The following LPCAT4 variants were observed in gnomAD, a reference collection of about 807,000 sequenced individuals.
The protein encoded by LPCAT4 is lysophosphatidylcholine acyltransferase 4, also known as lysophospholipid acyltransferase LPCAT4.
In LPCAT4, 30 loss-of-function variants were observed where a neutral mutation model predicts 66.5. The ratio of observed to expected loss-of-function variants is 0.45; its 90% CI spans 0.34 to 0.61. The LOEUF is 0.61. Among genes scored for constraint, LPCAT4 ranks in the 20% least tolerant of loss-of-function variants. The probability of loss-of-function intolerance (pLI) is 0.01; values close to 1 mark genes in which losing one functional copy is unlikely to be tolerated. For missense variants in LPCAT4, 557 were observed against 656.7 expected (o/e 0.85, Z 1.66); for synonymous variants, 253 against 262.1 (o/e 0.97, Z 0.34).
intron 7 of LPCAT4, 80 bp from the exon 8 acceptor site, chr15:34,362,916 C>T: frequency 1.4e-6 from 2 of 1,422,574 alleles, no homozygotes; most frequent in South Asian, 2.4e-5. Flanking sequence ...ACTCCCCTTC[C>T]CCAACCCAGG....
chr15:34,361,745 G>C (rs543979058), intron 10 of LPCAT4, among the ~76,000 whole-genome samples: 3 of 151,922 alleles, frequency 2.0e-5, no homozygotes, highest in Admixed American at 6.6e-5. Flanking sequence ...TGTCACCCAG[G>C]CTGGAGTGCA....
chr15:34,361,088 C>T (rs1411477831), intron 11 of LPCAT4: 3 of 737,346 alleles, frequency 4.1e-6, no homozygotes, highest in Non-Finnish European at 5.5e-6. Context: ...TTCAAAGACC[C>T]TCACCCAGCA....
chr15:34,359,476 G>C (rs1890889633), intron 13 of LPCAT4, 113 bp downstream of exon 13: 5 of 1,403,638 alleles, frequency 3.6e-6, no homozygotes, highest in Non-Finnish European at 4.8e-6. Context: ...ACTTCTCATA[G>C]GTTCTGATCT....
rs1421772966 is a variant in LPCAT4 at position 34,359,110 on chromosome 15, G to C, written c.*17C>G. 2 of 1,593,970 alleles carry C rather than the reference G, an allele frequency of 1.3e-6. No homozygotes were observed. The highest frequency in any genetic ancestry group is 1.1e-5 in the South Asian group (1 of 87,852). Reference sequence around the variant, plus strand: ...CTAGCGCTGCCCTGAGGAGGAGGGGGTGAGAGGCTGAGGCACTCAGTCTCC... The same window carrying C: ...CTAGCGCTGCCCTGAGGAGGAGGGGCTGAGAGGCTGAGGCACTCAGTCTCC... On this transcript the variant is annotated 3_prime_UTR_variant, in exon 14 of 14. Transcript: ENST00000314891.
At position 34,361,388 on chromosome 15, in the gene LPCAT4, C is replaced by T. The variant is rs1890938105; in HGVS notation, c.1143+12G>A. 3.1e-6 allele frequency: 5 copies of T among 1,614,126 alleles called. No homozygotes were observed. The highest frequency in any genetic ancestry group is 2.5e-6 in the Non-Finnish European group (3 of 1,180,008). On this transcript the variant is annotated intron_variant, in intron 11 of 13. Coordinates refer to ENST00000314891, the MANE Select transcript of LPCAT4 (RefSeq NM_153613.3). ...CTGGGTTCTGCTCTGCTCTTTGTTC[C>T]AGCTCCTTTACCTGCTGGAAGTAGC...
intron 3 of LPCAT4, 82 bp downstream of exon 3, chr15:34,364,926 T>A: frequency 8.3e-7 from 1 of 1,202,718 alleles, no homozygotes; most frequent in Non-Finnish European, 1.2e-6. Context: ...TTGAGGCCAG[T>A]TCTTCACTCC....
chr15:34,362,201 C>T lies in LPCAT4; in HGVS notation c.1005G>A (p.Lys335=). The change falls in exon 10 of 14, where the codon AAG becomes AAA. Residue 335 remains lysine, a synonymous_variant. Transcript: ENST00000314891. The part of the protein sequence containing the change: ...QLWELGKVLR[K]AGLSAGYVDA... Reference sequence around the variant, plus strand: ...TCATTTCCAAGACCACTTACCCAGCCTTCCGAAGCACTTTTCCCAGTTCCC... The same window carrying T: ...TCATTTCCAAGACCACTTACCCAGCTTTCCGAAGCACTTTTCCCAGTTCCC... 3.7e-6 allele frequency: 6 copies of T among 1,614,028 alleles called. No individual in the cohort carries two copies. Among genetic ancestry groups the T allele is most frequent in the South Asian group, 2.2e-5 (2 of 91,072 alleles).
At chr15:34,362,117 T>G (rs1890958728) in intron 10 of LPCAT4, 79 bp downstream of exon 10, 1 of 1,534,606 alleles carries the variant, frequency 6.5e-7, no homozygotes, top group Non-Finnish European at 8.9e-7. Flanking sequence ...TCCTTCTTCC[T>G]TCTCATTTCT....
rs1891018294 is a variant in LPCAT4, at chr15:34,364,271, G to A, written c.514C>T (p.Arg172Trp). Residue 172 changes from arginine to tryptophan, a missense_variant, in exon 4 of 14, where the codon CGG (arginine) becomes TGG (tryptophan). Coordinates refer to ENST00000314891, the MANE Select transcript of LPCAT4 (RefSeq NM_153613.3). The stretch of plus-strand genomic sequence containing the variant: ...CTGCGTCGAGAAGCCGGGTCATGCC[G>A]GGATACCAGGATGGCTTGGTTGAAT... ...LRFNQAILVS[R>W]HDPASRRRVV... 1.2e-6 allele frequency: 2 copies of A among 1,614,034 alleles called. No homozygotes were observed. The highest frequency in any genetic ancestry group is 1.7e-6 in the Non-Finnish European group (2 of 1,179,908).
Position 34,362,865 on chromosome 15 carries a change from C to T in LPCAT4, c.747-29G>A, listed in dbSNP as rs778015635. 6 of 1,608,990 alleles carry T rather than the reference C, an allele frequency of 3.7e-6. No individual in the cohort carries two copies. The South Asian group carries it at 6.6e-5, about 18-fold the overall frequency. On this transcript the variant is annotated intron_variant, in intron 7 of 13. Transcript: ENST00000314891. ...AGAGAAGAGAGATTTCGATACTCACCAATCTCTAACTATGGGCTCCTTCCC... is the reference window on the plus strand; with the variant it reads ...AGAGAAGAGAGATTTCGATACTCACTAATCTCTAACTATGGGCTCCTTCCC...
rs1006364345 is a variant in LPCAT4, at chr15:34,359,529, T to C, written c.1399+60A>G. On this transcript the variant is annotated intron_variant, in intron 13 of 13. Coordinates refer to ENST00000314891, the MANE Select transcript of LPCAT4 (RefSeq NM_153613.3). ...CCCTTGTTCCCTCCCAGCCCAGTGC[T>C]TTCCTGGATGCTGATGGTGCCCCAA... is the stretch of plus-strand genomic sequence containing the variant. 6 of 1,579,128 alleles carry C rather than the reference T, an allele frequency of 3.8e-6. No homozygotes were observed. The South Asian group carries it at 7.1e-5, about 19-fold the overall frequency.
At chr15:34,364,701 G>T (rs919455251) in intron 3 of LPCAT4, 17 of 314,752 alleles carry the variant, frequency 5.4e-5, no homozygotes, top group Non-Finnish European at 8.7e-5. Flanking sequence ...TGATCCGCCC[G>T]CCTTGGCCTC....
intron 9 of LPCAT4, 85 bp from the exon 10 acceptor site, chr15:34,362,406 G>A (rs2140167295): frequency 6.4e-7 from 1 of 1,550,840 alleles, no homozygotes; most frequent in Non-Finnish European, 8.9e-7. Context: ...CCCGCTGACT[G>A]GAGTAGATCA....
At position 34,367,124 on chromosome 15, in the gene LPCAT4, G is replaced by A. The variant is rs776213344; in HGVS notation, c.-24C>T. On this transcript the variant is annotated 5_prime_UTR_variant, in exon 1 of 14. Transcript: ENST00000314891. Reference sequence around the variant, plus strand: ...ATGGCGGGAGAAGGTGGGAGGGAGGGCACCCCGGCCCTGGCCCCGGCCACC... The same window carrying A: ...ATGGCGGGAGAAGGTGGGAGGGAGGACACCCCGGCCCTGGCCCCGGCCACC... 9.9e-5 allele frequency: 150 copies of A among 1,519,816 alleles called. 2 individuals are homozygous for A. The East Asian group carries it at 2.8e-3, about 28-fold the overall frequency. The allele number at this position is 1,519,816 out of a possible 1,614,324, so 94.1% of individuals were successfully genotyped here.
At chr15:34,365,448 C>T in intron 2 of LPCAT4, 111 bp downstream of exon 2, 1 of 1,477,390 alleles carries the variant, frequency 6.8e-7, no homozygotes, top group East Asian at 2.3e-5. Flanking sequence ...CTCATCTACC[C>T]AAGCTAGACA....
intron 12 of LPCAT4, 107 bp from the exon 13 acceptor site, chr15:34,359,852 C>A: frequency 8.3e-7 from 1 of 1,205,364 alleles, no homozygotes. Context: ...GGGTGGTGCA[C>A]AAGCCTTCCC....
rs560152978 is a variant in LPCAT4 at position 34,362,381 on chromosome 15, G to T, written c.885-60C>A. ...GAAGCAGAAGAAACTTCTGAGGGTT[G>T]GTTCCTGACCCTGGCCCGCTGACTG... On this transcript the variant is annotated intron_variant, in intron 9 of 13. Transcript: ENST00000314891. 73 of 1,602,660 alleles carry T rather than the reference G, an allele frequency of 4.6e-5. No individual in the cohort carries two copies. In the African/African-American group the frequency reaches 8.4e-4, roughly 18 times the overall value.
chr15:34,359,815 G>T (rs1037816835), intron 12 of LPCAT4, 70 bp from the exon 13 acceptor site: 1 of 1,476,064 alleles, frequency 6.8e-7, no homozygotes, highest in Non-Finnish European at 9.1e-7. Flanking sequence ...CCACAGACTG[G>T]CCTGACAGGC....
In LPCAT4 at chr15:34,363,219, AG is replaced by A. The variant is rs1372190393; in HGVS notation, c.746+202del. Among the ~76,000 whole-genome samples the A allele has an allele frequency of 6.6e-6, 1 of 152,234 alleles. No homozygotes were observed. Among genetic ancestry groups the A allele is most frequent in the Admixed American group, 6.5e-5 (1 of 15,290 alleles). ...AATGCATAGCAGCCATAATCACAGC[AG>A]GAACAGTTTAGGTGGGATAGCTAAT... On this transcript the variant is annotated intron_variant, in intron 7 of 13. Transcript: ENST00000314891. The surrounding 1 kb of genome is among the most constrained non-coding windows in gnomAD (Gnocchi z 4.3).
Sources: allele counts gnomAD v4.1 joint callset (sites outside exome capture counted in the v4.1 genomes callset), GRCh38; gene constraint gnomAD v4.1.1; non-coding constraint Gnocchi (gnomAD v3.1); transcripts MANE v1.5; gene names NCBI Gene and HGNC (gene_info 2026-07-23, HGNC 2026-07-21).